Variants in SYCP3 observed in about 807,000 individuals in gnomAD.
SYCP3 encodes synaptonemal complex protein 3.
SYCP3 carries 29 observed loss-of-function variants against 38.5 expected under a neutral mutation model. That is an observed-to-expected ratio of 0.75 (90% CI 0.56 to 1.03). The LOEUF is 1.03. Ranked by LOEUF, SYCP3 falls within the 50% of genes least tolerant of loss-of-function variation. SYCP3 has a pLI of 0.00. For synonymous variants in SYCP3, 79 were observed against 80.3 expected, an observed-to-expected ratio of 0.98 and a Z score of 0.08; for missense variants, 242 against 270.7, an observed-to-expected ratio of 0.89 and a Z score of 0.74.
At position 101,729,443 on chromosome 12, in the gene SYCP3, C is replaced by A. The variant is rs4764651; in HGVS notation, c.553-230G>T. On this transcript the variant is annotated intron_variant, in intron 7 of 8. Coordinates refer to ENST00000392924, the MANE Select transcript of SYCP3 (RefSeq NM_001177949.2). ...AGTACAATGTAGTATACTTTGCCCA[C>A]AATGGGTTTCCTGAACTGTTAAGGT... 0.59 allele frequency: 251,440 copies of A among 427,128 alleles called. 76,712 individuals carry two copies. Among genetic ancestry groups the A allele is most frequent in the East Asian group, 0.89 (19,177 of 21,642 alleles). The allele number at this position is 427,128 out of a possible 1,614,324, so 26.5% of individuals were successfully genotyped here. A position where few individuals can be genotyped will look rare whatever the true frequency, so the allele number is the denominator to read the frequency against.
chr12:101,738,273 AC>A (rs1411832154), intron 1 of SYCP3, among the ~76,000 whole-genome samples: 1 of 150,694 alleles, frequency 6.6e-6, no homozygotes, highest in African/African-American at 2.4e-5. Flanking sequence ...AAAAAAAAAA[AC>A]AAAATTAACC....
chr12:101,734,645 G>C (rs1952326795), intron 5 of SYCP3, among the ~76,000 whole-genome samples: 1 of 152,074 alleles, frequency 6.6e-6, no homozygotes, highest in Non-Finnish European at 1.5e-5. Flanking sequence ...GCCCAGGCTA[G>C]AGTGCAGTGT....
intron 6 of SYCP3, 167 bp from the exon 7 acceptor site, chr12:101,731,833 T>C (rs187221778): frequency 4.6e-5 from 22 of 483,218 alleles, no homozygotes; most frequent in Non-Finnish European, 6.5e-5. Context: ...TCACCACTAA[T>C]ATGTAACAAT....
intron 6 of SYCP3, chr12:101,732,711 G>C (rs1952240330): frequency 6.7e-6 from 1 of 148,650 alleles, no homozygotes; most frequent in Non-Finnish European, 1.5e-5. Flanking sequence ...CTGTCACCCA[G>C]GCTGGAGTGC....
At chr12:101,730,440 C>A in intron 7 of SYCP3, 1 of 414,536 alleles carries the variant, frequency 2.4e-6, no homozygotes, top group Non-Finnish European at 4.7e-6. Flanking sequence ...TGGAACAAGA[C>A]AACAAGTTTT....
intron 4 of SYCP3, among the ~76,000 whole-genome samples, chr12:101,735,871 A>ATATATATATTTTTTT: frequency 2.7e-5 from 2 of 74,762 alleles, no homozygotes; most frequent in Admixed American, 1.3e-4. Flanking sequence ...ATATATATAT[A>ATATATATATTTTTTT]TTTTTTTTTT....
chr12:101,733,718 A>G, intron 5 of SYCP3, 44 bp from the exon 6 acceptor site: 1 of 1,558,982 alleles, frequency 6.4e-7, no homozygotes, highest in East Asian at 2.3e-5. Context: ...TCATACCAAT[A>G]TAAAAAGAAT....
intron 7 of SYCP3, among the ~76,000 whole-genome samples, chr12:101,730,939 G>A (rs1952164747): frequency 6.6e-6 from 1 of 152,110 alleles, no homozygotes; most frequent in Non-Finnish European, 1.5e-5. Flanking sequence ...AGATTCCATT[G>A]AGCTTCTATG....
In SYCP3 at chr12:101,737,252, T is replaced by G. The variant is rs183572282; in HGVS notation, c.180A>C (p.Ala60=). 1.2e-6 allele frequency: 2 copies of G among 1,612,904 alleles called. No homozygotes were observed. The highest frequency in any genetic ancestry group is 1.7e-5 in the Admixed American group (1 of 59,920). Residue 60 remains alanine (A), a synonymous_variant, in exon 3 of 9, where the codon GCA becomes GCC. Coordinates refer to ENST00000392924, the MANE Select transcript of SYCP3 (RefSeq NM_001177949.2). ...IEKRRKKRSS[A]GVVEDMGGEV... is the part of the protein sequence containing the mutation. ...GTTACCCCATATCTTCAACTACTCC[T>G]GCAGAAGACCTTTTCTTCCTACGTT...
intron 7 of SYCP3, chr12:101,730,397 T>C: frequency 2.6e-6 from 1 of 383,174 alleles, no homozygotes; most frequent in South Asian, 2.0e-5. Flanking sequence ...TTATCAAAAC[T>C]TCACACCAAC....
intron 7 of SYCP3, 30 bp from the exon 8 acceptor site, chr12:101,729,243 A>G (rs1437254349): frequency 6.2e-7 from 1 of 1,604,312 alleles, no homozygotes; most frequent in South Asian, 1.1e-5. Flanking sequence ...GTTAAGTTAC[A>G]AAGGACCACT....
intron 1 of SYCP3, 180 bp downstream of exon 1, chr12:101,739,170 AG>A: frequency 1.9e-5 from 4 of 213,340 alleles, no homozygotes; most frequent in South Asian, 1.8e-4. Flanking sequence ...GCCCAGCCCC[AG>A]CCCAGCCCGC....
chr12:101,736,095 A>G (rs909562222), intron 4 of SYCP3, among the ~76,000 whole-genome samples: 1 of 151,824 alleles, frequency 6.6e-6, no homozygotes, highest in East Asian at 1.9e-4. Flanking sequence ...TAGATAAATT[A>G]AGATCACTTT....
chr12:101,733,826 T>C (rs1450870749), intron 5 of SYCP3, 152 bp from the exon 6 acceptor site: 5 of 653,694 alleles, frequency 7.6e-6, no homozygotes, highest in Non-Finnish European at 1.3e-5. Flanking sequence ...AAAATTATGA[T>C]TTACACTGAT....
At chr12:101,737,632 G>A (rs1349383901) in intron 2 of SYCP3, 171 bp downstream of exon 2, 9 of 877,818 alleles carry the variant, frequency 1.0e-5, no homozygotes, top group Non-Finnish European at 1.4e-5. Flanking sequence ...GATCAAATGA[G>A]AAACACAAGT....
intron 1 of SYCP3, 29 bp downstream of exon 1, chr12:101,739,322 C>G (rs1317487915): frequency 1.0e-6 from 1 of 1,002,620 alleles, no homozygotes; most frequent in Non-Finnish European, 1.2e-6. Flanking sequence ...TGGACACCTG[C>G]GATAGACAGA....
rs1411991056 is a variant in SYCP3 at position 101,728,767 on chromosome 12, A to G, written c.*160T>C. ...AATAGTTGCTAACTAACTCATAACT[A>G]TTTAGATTTGACTTAACAGAAAGGG... On this transcript the variant is annotated 3_prime_UTR_variant, in exon 9 of 9. Transcript: ENST00000392924. 3.0e-6 allele frequency: 3 copies of G among 984,864 alleles called. No individual in the cohort carries two copies. Among genetic ancestry groups the G allele is most frequent in the Non-Finnish European group, 4.5e-6 (3 of 666,682 alleles). 61.0% of individuals were successfully genotyped at this position (984,864 alleles called of 1,614,324 possible).
Position 101,729,157 on chromosome 12 carries a change from T to C in SYCP3, c.609A>G (p.Glu203=), listed in dbSNP as rs1166512980. ...GCAACATAGCCATTTCTTTTTTAAA[T>C]TCATTTTGTGCACCAGTAAGTAGAT... ...HDNLLTGAQN[E]FKKEMAMLQK... The change falls in exon 8 of 9, where the codon GAA becomes GAG. Residue 203 remains glutamate, a synonymous_variant. Transcript: ENST00000392924. 1 of 1,613,014 alleles carries C rather than the reference T, an allele frequency of 6.2e-7. No homozygotes were observed. The highest frequency in any genetic ancestry group is 1.3e-5 in the African/African-American group (1 of 74,916).
intron 7 of SYCP3, 43 bp downstream of exon 7, chr12:101,731,520 ATATAT>A (rs779183831): frequency 1.7e-5 from 22 of 1,274,054 alleles, no homozygotes; most frequent in Non-Finnish European, 2.4e-5. Context: ...ACTTCCATAA[ATATAT>A]TATGTTTTAT....
Sources: gnomAD v4.1 joint callset for allele counts (sites outside exome capture counted in the v4.1 genomes callset) on GRCh38, gnomAD v4.1.1 for gene constraint, MANE v1.5 for transcripts, NCBI Gene and HGNC (gene_info 2026-07-23, HGNC 2026-07-21) for gene names.